Variants in NEMF observed in about 807,000 individuals in gnomAD.
The protein encoded by NEMF is ribosome quality control complex subunit NEMF.
NEMF carries 89 observed loss-of-function variants against 162.2 expected under a neutral mutation model. That is an observed-to-expected ratio of 0.55 (90% confidence interval 0.46 to 0.65). The LOEUF is 0.65. NEMF is among the 30% of genes least tolerant of loss of function. The pLI is 0.00. For synonymous variants in NEMF, 421 were observed against 404.5 expected, an observed-to-expected ratio of 1.04 and a Z score of -0.49; for missense variants, 1,133 against 1,261.9, an observed-to-expected ratio of 0.90 and a Z score of 1.55.
intron 8 of NEMF, 28 bp from the exon 9 acceptor site, chr14:49,832,305 C>A: frequency 7.1e-7 from 1 of 1,398,708 alleles, no homozygotes; most frequent in Admixed American, 2.0e-5. Flanking sequence ...TAAAATCATT[C>A]CTATTCATAA....
intron 11 of NEMF, 135 bp downstream of exon 11, chr14:49,831,164 T>A (rs1242595433): frequency 1.6e-5 from 9 of 573,752 alleles, no homozygotes; most frequent in Non-Finnish European, 2.8e-5. Flanking sequence ...ACCTTTATCA[T>A]AAATAAAGAG....
chr14:49,789,073 G>C (rs1414405456), intron 28 of NEMF, 73 bp downstream of exon 28: 2 of 1,188,534 alleles, frequency 1.7e-6, no homozygotes, highest in African/African-American at 1.5e-5. Context: ...AGCACTGAAA[G>C]TCCCATGTCC....
intron 18 of NEMF, among the ~76,000 whole-genome samples, chr14:49,806,553 C>A (rs1384864027): frequency 6.6e-6 from 1 of 151,652 alleles, no homozygotes; most frequent in African/African-American, 2.4e-5. Context: ...AGCCACCGAA[C>A]CCGGCCGGTC....
chr14:49,801,678 C>T (rs988940613), intron 22 of NEMF, among the ~76,000 whole-genome samples: 5 of 152,220 alleles, frequency 3.3e-5, no homozygotes, highest in African/African-American at 1.2e-4. Flanking sequence ...AATATTTTCC[C>T]TAGTTTCCTC....
At chr14:49,817,821 T>G (rs973048454) in intron 16 of NEMF, among the ~76,000 whole-genome samples, 1 of 152,192 alleles carries the variant, frequency 6.6e-6, no homozygotes, top group African/African-American at 2.4e-5. Context: ...AATGACAAGC[T>G]TTCCCAAAGA....
intron 26 of NEMF, among the ~76,000 whole-genome samples, chr14:49,794,099 G>C (rs975566076): frequency 6.6e-6 from 1 of 152,042 alleles, no homozygotes; most frequent in African/African-American, 2.4e-5. Flanking sequence ...GTGGTCCTCT[G>C]TCTAGATTTT....
intron 19 of NEMF, among the ~76,000 whole-genome samples, chr14:49,803,775 C>G (rs1196010238): frequency 1.3e-5 from 2 of 151,690 alleles, no homozygotes; most frequent in African/African-American, 4.8e-5. Context: ...CCGCCTGCCT[C>G]GGCCTCCCAA....
chr14:49,842,159 A>ATTATT lies in NEMF; in HGVS notation c.358-1294_358-1293insAATAA, dbSNP rs1259407084. ...TCTACAATAGAAAAAAAAAACCCCA[A>ATTATT]ACAGCCTAAATGTAAAAGTTAGGGA... On this transcript the variant is annotated intron_variant, in intron 4 of 32. Transcript: ENST00000298310. 2.0e-5 allele frequency among the ~76,000 whole-genome samples: 3 copies of ATTATT among 151,844 alleles called. No individual in the cohort carries two copies. The East Asian group carries it at 5.8e-4, about 29-fold the overall frequency.
chr14:49,788,864 CTTAAT>C (rs1307737224), intron 28 of NEMF, among the ~76,000 whole-genome samples: 1 of 152,058 alleles, frequency 6.6e-6, no homozygotes. Flanking sequence ...GCCTCTCTGT[CTTAAT>C]TTAATTCAGT....
In NEMF at chr14:49,832,287, T is replaced by G; in HGVS notation, c.736-10A>C. ...TCTGAATGATATATCCCTACAAAAA[T>G]GCAACATTAAAATCATTCCTATTCA... On this transcript the variant is annotated splice_polypyrimidine_tract_variant and intron_variant, in intron 8 of 32. Transcript: ENST00000298310. The G allele has an allele frequency of 6.5e-7, 1 of 1,537,200 alleles. No individual in the cohort carries two copies. Among genetic ancestry groups the G allele is most frequent in the South Asian group, 1.2e-5 (1 of 85,260 alleles).
chr14:49,841,274 A>G (rs1262719627), intron 4 of NEMF, among the ~76,000 whole-genome samples: 1 of 151,310 alleles, frequency 6.6e-6, no homozygotes, highest in Non-Finnish European at 1.5e-5. Flanking sequence ...TTTTGAGACT[A>G]CTTAAAAATT....
At chr14:49,807,966 T>G (rs1006203710) in intron 18 of NEMF, among the ~76,000 whole-genome samples, 40 of 152,132 alleles carry the variant, frequency 2.6e-4, no homozygotes, top group African/African-American at 9.7e-4. Flanking sequence ...TCGTTTCATG[T>G]GATTGTTGGC....
In NEMF at chr14:49,813,981, A is replaced by G. The variant is rs774075015; in HGVS notation, c.1744+7T>C. On this transcript the variant is annotated splice_region_variant and intron_variant, in intron 18 of 32. Transcript: ENST00000298310. ...ACAGGAATTCTGAATAGAAAGAAAT[A>G]TATTACCTGTTGGATTCTTAATTAC... 1.7e-5 allele frequency: 24 copies of G among 1,445,206 alleles called. No homozygotes were observed. In the South Asian group the frequency reaches 1.8e-4, roughly 11 times the overall value. 89.5% of individuals were successfully genotyped at this position (1,445,206 alleles called of 1,614,324 possible).
rs768364929 is a variant in NEMF, at chr14:49,840,836, C to T, written c.388G>A (p.Val130Ile). 12 of 1,610,644 alleles carry T rather than the reference C, an allele frequency of 7.5e-6. No homozygotes were observed. Among genetic ancestry groups the T allele is most frequent in the East Asian group, 2.2e-5 (1 of 44,880 alleles). Residue 130 changes from valine (V) to isoleucine (I), a missense_variant, in exon 5 of 33, where the codon GTA becomes ATA. This residue lies in a region of NEMF where 582 missense variants were observed against 631.5 expected (regional missense o/e 0.92). Transcript: ENST00000298310. ...GNIVLTDYEY[V>I]ILNILRFRTD... Reference sequence around the variant, plus strand: ...CGAAACCTTAGAATATTTAAAATTACGTACTCATAATCTGTAAGAACAATG... The same window carrying T: ...CGAAACCTTAGAATATTTAAAATTATGTACTCATAATCTGTAAGAACAATG...
At chr14:49,825,605 A>AC (rs1892297850) in intron 16 of NEMF, among the ~76,000 whole-genome samples, 1 of 152,124 alleles carries the variant, frequency 6.6e-6, no homozygotes. Context: ...GCACAGTGGC[A>AC]TGTGCCTGTA....
intron 29 of NEMF, chr14:49,786,236 A>G: frequency 6.3e-6 from 1 of 159,874 alleles, no homozygotes; most frequent in Non-Finnish European, 1.4e-5. Flanking sequence ...CCTAATGTTA[A>G]TAGTGCCAAA....
chr14:49,791,101 C>T (rs372090529), intron 26 of NEMF, among the ~76,000 whole-genome samples: 4 of 151,150 alleles, frequency 2.6e-5, no homozygotes, highest in African/African-American at 4.9e-5. Context: ...TTTGGGTGGC[C>T]GAGGCGGGTG....
At chr14:49,844,688 T>A (rs1336631923) in intron 4 of NEMF, 2 of 174,558 alleles carry the variant, frequency 1.1e-5, no homozygotes, top group African/African-American at 4.8e-5. Flanking sequence ...CCAGATTAAA[T>A]TTATGTATTT....
rs576349163 is a variant in NEMF, at chr14:49,806,088, G to C, written c.1790C>G (p.Ala597Gly). The C allele has an allele frequency of 5.0e-5, 80 of 1,612,370 alleles. No individual in the cohort carries two copies. The East Asian group carries it at 8.3e-4, about 17-fold the overall frequency. The change falls in exon 19 of 33, where the codon GCA becomes GGA. Residue 597 changes from alanine to glycine, a missense_variant. This residue lies in a region of NEMF where 532 missense variants were observed against 578.6 expected (regional missense o/e 0.92). Coordinates refer to ENST00000298310, the MANE Select transcript of NEMF (RefSeq NM_004713.6). Reference sequence around the variant, plus strand: ...ATCCCAAGCAGCACTGTAGCAAAGTGCCATTGTGCCAGCTTCAGTCAAGGT... The same window carrying C: ...ATCCCAAGCAGCACTGTAGCAAAGTCCCATTGTGCCAGCTTCAGTCAAGGT... ...PRTLTEAGTMALCYSAAWDAR... is the reference protein window; with the variant it reads ...PRTLTEAGTMGLCYSAAWDAR...
Sources: allele counts gnomAD v4.1 joint callset (sites outside exome capture counted in the v4.1 genomes callset), GRCh38; gene constraint gnomAD v4.1.1; regional missense constraint gnomAD v4.1.1; transcripts MANE v1.5; gene names NCBI Gene and HGNC (gene_info 2026-07-23, HGNC 2026-07-21).